HDAC4: variants seen among roughly 807,000 people sequenced by gnomAD.
The protein encoded by HDAC4 is histone deacetylase 4.
A neutral mutation model predicts 135.1 loss-of-function variants in HDAC4; 16 were observed. The ratio of observed to expected loss-of-function variants is 0.12; its 90% CI spans 0.08 to 0.18. The LOEUF is 0.18. Ranked by LOEUF, HDAC4 falls within the 10% of genes least tolerant of loss-of-function variation. The pLI, the probability that HDAC4 is intolerant of heterozygous loss-of-function variation, is 1.00. For missense variants in HDAC4, 1,143 were observed against 1,511.8 expected (o/e 0.76, Z 4.05); for synonymous variants, 685 against 653.4 (o/e 1.05, Z -0.74).
chr2:239,080,996 C>A, intron 22 of HDAC4, 99 bp downstream of exon 22: 1 of 899,786 alleles, frequency 1.1e-6, no homozygotes. Context: ...CAGCCACAGA[C>A]CAGTTTCAGA....
chr2:239,156,906 T>C, intron 6 of HDAC4, 133 bp from the exon 7 acceptor site: 1 of 1,013,582 alleles, frequency 9.9e-7, no homozygotes, highest in Non-Finnish European at 1.5e-6. Flanking sequence ...ACCTTTTCCC[T>C]AGGGTCAAGC....
chr2:239,181,912 G>A (rs772092622), intron 4 of HDAC4, among the ~76,000 whole-genome samples: 16 of 152,170 alleles, frequency 1.1e-4, no homozygotes, highest in Non-Finnish European at 1.9e-4. Flanking sequence ...TAGAGACGCC[G>A]ACTTCCTGCA....
chr2:239,125,348 C>A (rs747326517), intron 12 of HDAC4, among the ~76,000 whole-genome samples: 22 of 152,162 alleles, frequency 1.4e-4, no homozygotes, highest in Non-Finnish European at 2.9e-4. Flanking sequence ...AAGTGATGTG[C>A]CCGCTCCCCC....
chr2:239,298,539 T>C (rs190582418), intron 2 of HDAC4: 1 of 1,027,134 alleles, frequency 9.7e-7, no homozygotes, highest in East Asian at 8.6e-5. Flanking sequence ...TTAGTCATCA[T>C]AGCCACTGGG....
chr2:239,101,773 T>C (rs1252485023), intron 16 of HDAC4, among the ~76,000 whole-genome samples: 5 of 150,104 alleles, frequency 3.3e-5, no homozygotes, highest in African/African-American at 9.8e-5. Context: ...CCCCTGGCCC[T>C]CGGTCTGGGT....
In HDAC4 at chr2:239,303,164, G is replaced by A. The variant is rs1443114848; in HGVS notation, c.22+49514C>T. Among the ~76,000 whole-genome samples the A allele has an allele frequency of 6.6e-6, 1 of 152,214 alleles. No homozygotes were observed. The highest frequency in any genetic ancestry group is 2.4e-5 in the African/African-American group (1 of 41,450). ...CCTGACTCCAGCCTCAGGGCGTGAG[G>A]CACCTGGCCCTGGCCTGTTCCCATC... On this transcript the variant is annotated intron_variant, in intron 2 of 26. Coordinates refer to ENST00000543185, the MANE Select transcript of HDAC4 (RefSeq NM_001378414.1). The surrounding 1 kb of genome is among the most constrained non-coding windows in gnomAD (Gnocchi z 5.1).
rs1232536549 is a variant in HDAC4, at chr2:239,164,022, C to T, written c.491-99G>A. 4.0e-5 allele frequency: 58 copies of T among 1,446,018 alleles called. 1 individual carries two copies. Among genetic ancestry groups the T allele is most frequent in the South Asian group, 3.6e-4 (31 of 87,158 alleles). 89.6% of individuals were successfully genotyped at this position (1,446,018 alleles called of 1,614,324 possible). ...CACAGAGGGAGGGAAGGGCTGGGGACGGCTATGCACCTTCAGGACGCTGTG... is the reference window on the plus strand; with the variant it reads ...CACAGAGGGAGGGAAGGGCTGGGGATGGCTATGCACCTTCAGGACGCTGTG... On this transcript the variant is annotated intron_variant, in intron 5 of 26. Coordinates refer to ENST00000543185, the MANE Select transcript of HDAC4 (RefSeq NM_001378414.1).
At position 239,308,793 on chromosome 2, in the gene HDAC4, A is replaced by G. The variant is rs1271457386; in HGVS notation, c.22+43885T>C. Reference sequence around the variant, plus strand: ...TCACTCCCCCAGGGCCTGTACCTGTAGCAGGAGGCTCACGTTCCGAGTCCT... The same window carrying G: ...TCACTCCCCCAGGGCCTGTACCTGTGGCAGGAGGCTCACGTTCCGAGTCCT... On this transcript the variant is annotated intron_variant, in intron 2 of 26. Transcript: ENST00000543185. The surrounding 1 kb of genome is among the most constrained non-coding windows in gnomAD (Gnocchi z 4.2). Among the ~76,000 whole-genome samples the G allele has an allele frequency of 6.6e-6, 1 of 152,144 alleles. No homozygotes were observed. Among genetic ancestry groups the G allele is most frequent in the African/African-American group, 2.4e-5 (1 of 41,436 alleles).
chr2:239,288,240 T>C (rs1182794887), intron 2 of HDAC4, among the ~76,000 whole-genome samples: 1 of 152,150 alleles, frequency 6.6e-6, no homozygotes, highest in Non-Finnish European at 1.5e-5. Context: ...CAGAAAACTA[T>C]ACGATCATCA....
chr2:239,162,682 T>C (rs948753546), intron 6 of HDAC4, among the ~76,000 whole-genome samples: 1 of 152,178 alleles, frequency 6.6e-6, no homozygotes, highest in Non-Finnish European at 1.5e-5. Flanking sequence ...CTGGTCGAGT[T>C]ACCCAAATCC....
chr2:239,384,212 T>C (rs1695625638), intron 1 of HDAC4, among the ~76,000 whole-genome samples: 1 of 152,214 alleles, frequency 6.6e-6, no homozygotes. Context: ...CAGCTGTTCG[T>C]AATCTGGGAT....
intron 2 of HDAC4, among the ~76,000 whole-genome samples, chr2:239,325,851 G>C (rs2053454927): frequency 6.6e-6 from 1 of 152,106 alleles, no homozygotes; most frequent in African/African-American, 2.4e-5. Flanking sequence ...TGTAGTCCCA[G>C]CTACTCGGGA....
At chr2:239,288,126 A>G (rs2051241004) in intron 2 of HDAC4, among the ~76,000 whole-genome samples, 2 of 152,286 alleles carry the variant, frequency 1.3e-5, no homozygotes, top group South Asian at 4.1e-4. Flanking sequence ...AAGAACAGAG[A>G]TGAAGAATCC....
Position 239,147,296 on chromosome 2 carries a change from C to G in HDAC4, c.734-2582G>C, listed in dbSNP as rs1008479233. Among the ~76,000 whole-genome samples the G allele has an allele frequency of 5.3e-5, 8 of 152,218 alleles. No individual in the cohort carries two copies. The East Asian group carries it at 9.6e-4, about 18-fold the overall frequency. On this transcript the variant is annotated intron_variant, in intron 7 of 26. Coordinates refer to ENST00000543185, the MANE Select transcript of HDAC4 (RefSeq NM_001378414.1). The stretch of plus-strand genomic sequence containing the variant: ...CACTGCCTGCTTTCAGGGTGGCCAG[C>G]CTTCCTGCTTCCTGCCCTCCCTCAT...
At chr2:239,188,097 C>T (rs566995596) in intron 4 of HDAC4, among the ~76,000 whole-genome samples, 40 of 152,312 alleles carry the variant, frequency 2.6e-4, no homozygotes, top group Middle Eastern at 6.8e-3. Context: ...TCCCAGCCCC[C>T]GTTCCCTCAA....
rs57574096 is a variant in HDAC4 at position 239,384,673 on chromosome 2, C to G, written c.-220+16305G>C. On this transcript the variant is annotated intron_variant, in intron 1 of 26. Transcript: ENST00000543185. Reference sequence around the variant, plus strand: ...AGAGAAGGGAAAACTGCCCTGCATCCGAAGGAATGGGTCCTAGGCGGCAAC... The same window carrying G: ...AGAGAAGGGAAAACTGCCCTGCATCGGAAGGAATGGGTCCTAGGCGGCAAC... Among the ~76,000 whole-genome samples, 1,055 of 152,192 alleles carry G rather than the reference C, an allele frequency of 6.9e-3. 13 individuals are homozygous for G. Among genetic ancestry groups the G allele is most frequent in the African/African-American group, 0.024 (993 of 41,536 alleles).
chr2:239,191,590 T>G (rs1277808236), intron 3 of HDAC4, among the ~76,000 whole-genome samples: 1 of 152,224 alleles, frequency 6.6e-6, no homozygotes, highest in Admixed American at 6.5e-5. Context: ...GGGGGAGGCC[T>G]GGGCACTGGC....
intron 2 of HDAC4, among the ~76,000 whole-genome samples, chr2:239,272,496 C>T (rs2050110977): frequency 1.3e-5 from 2 of 152,166 alleles, no homozygotes; most frequent in African/African-American, 4.8e-5. Context: ...TTAAAATGAG[C>T]AAAGGATTTA....
chr2:239,256,389 C>T (rs1390307814), intron 2 of HDAC4, among the ~76,000 whole-genome samples: 1 of 152,180 alleles, frequency 6.6e-6, no homozygotes, highest in Non-Finnish European at 1.5e-5. Context: ...TGAATTCTGT[C>T]GCAGGGGAAA....
Sources: allele counts gnomAD v4.1 joint callset (sites outside exome capture counted in the v4.1 genomes callset), GRCh38; gene constraint gnomAD v4.1.1; non-coding constraint Gnocchi (gnomAD v3.1); transcripts MANE v1.5; gene names NCBI Gene and HGNC (gene_info 2026-07-23, HGNC 2026-07-21).